The following CSMD3 variants were observed in gnomAD, a reference collection of about 807,000 sequenced individuals.
The protein encoded by CSMD3 is CUB and Sushi multiple domains 3.
CSMD3 carries 177 observed loss-of-function variants against 435.2 expected under a neutral mutation model. The observed-to-expected ratio is 0.41, with a 90% CI of 0.36 to 0.46. The LOEUF is 0.46. Ranked by LOEUF, CSMD3 falls within the 20% of genes least tolerant of loss-of-function variation. CSMD3 has a pLI of 0.34. For missense variants in CSMD3, 4,265 were observed against 4,504.6 expected, an observed-to-expected ratio of 0.95 and a Z score of 1.52; for synonymous variants, 1,656 against 1,520.5, an observed-to-expected ratio of 1.09 and a Z score of -2.07.
chr8:113,170,859 T>C (rs2092255406), intron 4 of CSMD3, among the ~76,000 whole-genome samples: 2 of 152,062 alleles, frequency 1.3e-5, no homozygotes, highest in African/African-American at 2.4e-5. Context: ...GGTAGCATTT[T>C]CAAAAATAGT....
At chr8:112,343,336 A>G (rs1307559434) in intron 41 of CSMD3, among the ~76,000 whole-genome samples, 1 of 152,054 alleles carries the variant, frequency 6.6e-6, no homozygotes, top group East Asian at 1.9e-4. Context: ...TCTGTTGTTC[A>G]TTTACATCAG....
chr8:113,022,734 A>G (rs1197799162), intron 5 of CSMD3, among the ~76,000 whole-genome samples: 2 of 151,676 alleles, frequency 1.3e-5, no homozygotes, highest in East Asian at 3.9e-4. Context: ...AGTTATTTGT[A>G]TCAGAAAATT....
At chr8:112,250,364 CAAAT>C (rs1368137368) in intron 63 of CSMD3, among the ~76,000 whole-genome samples, 1 of 151,576 alleles carries the variant, frequency 6.6e-6, no homozygotes, top group Admixed American at 6.6e-5. Context: ...GTCAAATTCA[CAAAT>C]ACTTATACCT....
intron 3 of CSMD3, among the ~76,000 whole-genome samples, chr8:113,227,704 T>G (rs769006591): frequency 5.3e-5 from 8 of 151,644 alleles, no homozygotes; most frequent in Non-Finnish European, 1.2e-4. Flanking sequence ...AAGAAGATGC[T>G]TGCTTTTCCT....
At chr8:112,869,886 G>C (rs904250213) in intron 10 of CSMD3, among the ~76,000 whole-genome samples, 1 of 152,070 alleles carries the variant, frequency 6.6e-6, no homozygotes, top group Non-Finnish European at 1.5e-5. Context: ...CTGTTGGGGT[G>C]GGGGACAAGG....
At chr8:112,354,540 T>A (rs1826414619) in intron 38 of CSMD3, among the ~76,000 whole-genome samples, 1 of 152,152 alleles carries the variant, frequency 6.6e-6, no homozygotes, top group Non-Finnish European at 1.5e-5. Flanking sequence ...TTAGTAGCAT[T>A]TATATACACC....
chr8:112,831,065 G>T (rs1564004710), intron 11 of CSMD3, among the ~76,000 whole-genome samples: 1 of 152,010 alleles, frequency 6.6e-6, no homozygotes, highest in Non-Finnish European at 1.5e-5. Context: ...GGGATTACAG[G>T]CGTGAGCCAC....
At chr8:112,897,365 A>G (rs1185500150) in intron 10 of CSMD3, among the ~76,000 whole-genome samples, 2 of 151,376 alleles carry the variant, frequency 1.3e-5, no homozygotes, top group African/African-American at 2.4e-5. Flanking sequence ...TAAATTAATT[A>G]AGAACATATA....
chr8:113,107,995 A>G (rs1186699103), intron 4 of CSMD3, among the ~76,000 whole-genome samples: 1 of 152,230 alleles, frequency 6.6e-6, no homozygotes. Flanking sequence ...TTGGATTCTG[A>G]TCTCTGAGAA....
chr8:112,529,942 G>A (rs1319527021), intron 27 of CSMD3, among the ~76,000 whole-genome samples: 1 of 151,970 alleles, frequency 6.6e-6, no homozygotes, highest in African/African-American at 2.4e-5. Flanking sequence ...AACAAAATGA[G>A]AATTCCAACA....
intron 28 of CSMD3, among the ~76,000 whole-genome samples, chr8:112,515,362 T>C (rs1269806570): frequency 6.6e-6 from 1 of 152,136 alleles, no homozygotes; most frequent in Non-Finnish European, 1.5e-5. Flanking sequence ...TCATGAGATA[T>C]GTGGTCAAAT....
intron 6 of CSMD3, among the ~76,000 whole-genome samples, chr8:113,004,284 C>A (rs1320892449): frequency 6.6e-6 from 1 of 151,904 alleles, no homozygotes; most frequent in Non-Finnish European, 1.5e-5. Context: ...AATGGGAATA[C>A]ACTATGCAGA....
intron 17 of CSMD3, among the ~76,000 whole-genome samples, chr8:112,664,310 G>C (rs1039057107): frequency 7.9e-5 from 12 of 152,040 alleles, no homozygotes; most frequent in Non-Finnish European, 1.3e-4. Flanking sequence ...TACATATCAT[G>C]CTTTATCATG....
In CSMD3 at chr8:112,735,980, A is replaced by T. The variant is rs75952950; in HGVS notation, c.1973-45930T>A. Among the ~76,000 whole-genome samples, 317 of 152,124 alleles carry T rather than the reference A, an allele frequency of 2.1e-3. 1 individual carries two copies. Among genetic ancestry groups the T allele is most frequent in the African/African-American group, 7.3e-3 (305 of 41,530 alleles). On this transcript the variant is annotated intron_variant, in intron 13 of 70. Coordinates refer to ENST00000297405, the MANE Select transcript of CSMD3 (RefSeq NM_198123.2). Reference sequence around the variant, plus strand: ...AGAATCATGTTAGGTAGAAAACAGAAATCATATTTCAATTTTCAGTTTTAT... The same window carrying T: ...AGAATCATGTTAGGTAGAAAACAGATATCATATTTCAATTTTCAGTTTTAT...
intron 1 of CSMD3, among the ~76,000 whole-genome samples, chr8:113,415,751 T>G (rs1040031331): frequency 6.6e-6 from 1 of 152,110 alleles, no homozygotes; most frequent in African/African-American, 2.4e-5. Context: ...ATTTTCACTT[T>G]GGGTAGGGTT....
chr8:112,497,041 C>T (rs1821422411), intron 30 of CSMD3, among the ~76,000 whole-genome samples: 1 of 152,008 alleles, frequency 6.6e-6, no homozygotes, highest in Non-Finnish European at 1.5e-5. Context: ...CATTGTATAC[C>T]TGTATCAAAA....
intron 7 of CSMD3, among the ~76,000 whole-genome samples, chr8:112,972,118 T>A (rs1181576579): frequency 6.6e-6 from 1 of 152,006 alleles, no homozygotes; most frequent in Non-Finnish European, 1.5e-5. Flanking sequence ...TAATCCATGT[T>A]TCTATGTGTT....
chr8:112,949,712 TC>T (rs2083742329), intron 8 of CSMD3, among the ~76,000 whole-genome samples: 1 of 152,060 alleles, frequency 6.6e-6, no homozygotes, highest in Non-Finnish European at 1.5e-5. Flanking sequence ...GACTAAACTT[TC>T]TAAAACACAG....
chr8:112,327,899 A>G (rs2130908737), intron 45 of CSMD3, among the ~76,000 whole-genome samples: 1 of 152,272 alleles, frequency 6.6e-6, no homozygotes, highest in Non-Finnish European at 1.5e-5. Flanking sequence ...TTTTCTTTTC[A>G]ATGAAACATC....
Sources: allele counts gnomAD v4.1 joint callset (sites outside exome capture counted in the v4.1 genomes callset), GRCh38; gene constraint gnomAD v4.1.1; transcripts MANE v1.5; gene names NCBI Gene and HGNC (gene_info 2026-07-23, HGNC 2026-07-21).